Variants in RABEP1 observed in about 807,000 individuals in gnomAD.
RABEP1 encodes the protein rab GTPase-binding effector protein 1.
Under a neutral mutation model 123.4 loss-of-function variants are expected in RABEP1, and 51 were observed. The observed-to-expected ratio is 0.41, with a 90% confidence interval of 0.33 to 0.52. The LOEUF is 0.52. RABEP1 is among the 20% of genes least tolerant of loss of function. The pLI is 0.16. For missense variants in RABEP1, 888 were observed against 996.3 expected, an observed-to-expected ratio of 0.89 and a Z score of 1.46; for synonymous variants, 347 against 355.2, an observed-to-expected ratio of 0.98 and a Z score of 0.26.
At chr17:5,345,961 A>ATT (rs148989514) in intron 5 of RABEP1, among the ~76,000 whole-genome samples, 2 of 152,014 alleles carry the variant, frequency 1.3e-5, no homozygotes, top group African/African-American at 4.8e-5. Context: ...GAAGAATTGT[A>ATT]TTTTTTTTGG....
intron 1 of RABEP1, among the ~76,000 whole-genome samples, chr17:5,287,451 TAGTC>T (rs1383429835): frequency 6.6e-6 from 1 of 151,470 alleles, no homozygotes. Context: ...ATACAAAAAT[TAGTC>T]AGACATGGTG....
chr17:5,377,444 G>C lies in RABEP1; in HGVS notation c.2215+139G>C, dbSNP rs1038458324. 3.6e-5 allele frequency: 17 copies of C among 475,130 alleles called. No homozygotes were observed. The Middle Eastern group carries it at 1.6e-3, about 46-fold the overall frequency. The allele number at this position is 475,130 out of a possible 1,614,324, so 29.4% of individuals were successfully genotyped here. On this transcript the variant is annotated intron_variant, in intron 14 of 17. Transcript: ENST00000537505. ...GTAAGGACTCAGTCCATTTTTTGTA[G>C]ATATTCTGATATATTCAGATTCTGA...
At chr17:5,317,626 G>GATATATATATATATATAT (rs56165368) in intron 2 of RABEP1, among the ~76,000 whole-genome samples, 208 of 149,546 alleles carry the variant, frequency 1.4e-3, no homozygotes, top group Non-Finnish European at 1.6e-3. Flanking sequence ...TACTGGAAAG[G>GATATATATATATATATAT]ATATATATAT....
In RABEP1 at chr17:5,307,568, T is replaced by C. The variant is rs1245985537; in HGVS notation, c.35-1126T>C. Among the ~76,000 whole-genome samples, 3 of 152,160 alleles carry C rather than the reference T, an allele frequency of 2.0e-5. No individual in the cohort carries two copies. In the East Asian group the frequency reaches 5.8e-4, roughly 29 times the overall value. On this transcript the variant is annotated intron_variant, in intron 1 of 17. Coordinates refer to ENST00000537505, the MANE Select transcript of RABEP1 (RefSeq NM_004703.6). ...CTGGCCTAAGTAGTTAGTGGTTGAT[T>C]AGTACTAACCGATATCCCCTAAAGG... is the stretch of plus-strand genomic sequence containing the variant.
At chr17:5,351,267 T>C (rs1238540227) in intron 7 of RABEP1, among the ~76,000 whole-genome samples, 2 of 152,058 alleles carry the variant, frequency 1.3e-5, no homozygotes, top group Non-Finnish European at 2.9e-5. Context: ...GTTATTGAAA[T>C]TGCATGAATA....
At chr17:5,364,324 G>C in intron 10 of RABEP1, 1 of 152,216 alleles carries the variant, frequency 6.6e-6, no homozygotes, top group East Asian at 1.9e-4. Context: ...GGAAGTATGA[G>C]TAGTTATGTG....
rs762051770 is a variant in RABEP1 at position 5,350,509 on chromosome 17, G to A, written c.843G>A (p.Gln281=). ...ACAACCAGTTAAAACATACGTGGCA[G>A]AAGGCCAATGACCAGTTTCTGGAAT... The part of the protein sequence containing the change: ...QQHNQLKHTW[Q]KANDQFLESQ... The change falls in exon 7 of 18, where the codon CAG becomes CAA. Residue 281 remains glutamine, a synonymous_variant. Transcript: ENST00000537505. The A allele has an allele frequency of 3.7e-6, 6 of 1,614,070 alleles. No homozygotes were observed. Among genetic ancestry groups the A allele is most frequent in the Middle Eastern group, 1.6e-4 (1 of 6,084 alleles).
Position 5,381,625 on chromosome 17 carries a change from T to G in RABEP1, c.2487+120T>G, listed in dbSNP as rs752832979. 2.8e-6 allele frequency: 4 copies of G among 1,434,012 alleles called. No individual in the cohort carries two copies. The Admixed American group carries it at 9.8e-5, about 35-fold the overall frequency. The allele number at this position is 1,434,012 out of a possible 1,614,324, so 88.8% of individuals were successfully genotyped here. A position where few individuals can be genotyped will look rare whatever the true frequency, so the allele number is the denominator to read the frequency against. On this transcript the variant is annotated intron_variant, in intron 17 of 17. Coordinates refer to ENST00000537505, the MANE Select transcript of RABEP1 (RefSeq NM_004703.6). ...GGTTTAGAGACTGGCTGCTCCTACC[T>G]CCACCCCAAATGTCTGACTCATCAT...
rs772284341 is a variant in RABEP1, at chr17:5,383,378, CACAGGAA to C, written c.*160_*166del. The C allele has an allele frequency of 6.2e-6, 4 of 646,456 alleles. No homozygotes were observed. The highest frequency in any genetic ancestry group is 8.0e-6 in the Non-Finnish European group (3 of 374,632). 40.0% of individuals were successfully genotyped at this position (646,456 alleles called of 1,614,324 possible). ...CTTCTAGAGGGAGAAGACTGTGCGG[CACAGGAA>C]ACAGCAAACAGTGGGGTGATCTGCA... is the stretch of plus-strand genomic sequence containing the variant. On this transcript the variant is annotated 3_prime_UTR_variant, in exon 18 of 18. Transcript: ENST00000537505.
At chr17:5,346,564 A>G (rs373769948) in intron 5 of RABEP1, among the ~76,000 whole-genome samples, 3 of 152,226 alleles carry the variant, frequency 2.0e-5, no homozygotes, top group East Asian at 3.8e-4. Flanking sequence ...TGAAATCTCA[A>G]TTGTATATTT....
chr17:5,358,732 A>G (rs1424314585), intron 8 of RABEP1, among the ~76,000 whole-genome samples: 2 of 151,336 alleles, frequency 1.3e-5, no homozygotes, highest in African/African-American at 4.8e-5. Flanking sequence ...TATTATTGCC[A>G]ATGTAGTAGT....
chr17:5,371,913 G>A (rs1257635227), intron 12 of RABEP1, among the ~76,000 whole-genome samples: 2 of 151,924 alleles, frequency 1.3e-5, no homozygotes, highest in Non-Finnish European at 2.9e-5. Context: ...AGCAAAACAC[G>A]TGGCATAGAG....
chr17:5,379,151 C>T (rs560475043), intron 15 of RABEP1, among the ~76,000 whole-genome samples: 144 of 152,294 alleles, frequency 9.5e-4, no homozygotes, highest in African/African-American at 3.1e-3. Flanking sequence ...ACCTCAGCCC[C>T]CTCACTCTCA....
At chr17:5,284,524 G>A (rs2074958732) in intron 1 of RABEP1, among the ~76,000 whole-genome samples, 2 of 151,120 alleles carry the variant, frequency 1.3e-5, no homozygotes, top group Admixed American at 1.3e-4. Flanking sequence ...GGAGAGCAGT[G>A]GCGCGATCTT....
intron 1 of RABEP1, among the ~76,000 whole-genome samples, chr17:5,297,207 C>T (rs562395657): frequency 3.3e-5 from 5 of 152,222 alleles, no homozygotes; most frequent in African/African-American, 9.6e-5. Flanking sequence ...TTGAGAACCA[C>T]TGGTTTATGA....
intron 2 of RABEP1, among the ~76,000 whole-genome samples, chr17:5,313,644 T>G (rs1363187266): frequency 6.6e-6 from 1 of 152,234 alleles, no homozygotes; most frequent in African/African-American, 2.4e-5. Context: ...CATGCTTGGT[T>G]TGTTAAGATT....
intron 1 of RABEP1, among the ~76,000 whole-genome samples, chr17:5,307,722 C>T (rs1008293282): frequency 6.6e-6 from 1 of 152,174 alleles, no homozygotes; most frequent in Non-Finnish European, 1.5e-5. Flanking sequence ...GGAAGGCAAT[C>T]ATTTAACCAG....
intron 13 of RABEP1, among the ~76,000 whole-genome samples, chr17:5,375,628 C>T (rs746803124): frequency 6.6e-6 from 1 of 152,004 alleles, no homozygotes; most frequent in African/African-American, 2.4e-5. Flanking sequence ...GTCGCCTGAG[C>T]CCAGGAGGTC....
rs1911913168 is a variant in RABEP1, at chr17:5,385,856, CAG to C, written c.*2636_*2637del. ...TGAATCCTAGGGTTCTATCCCTCTT[CAG>C]AGTCATGTTTCTGGTGCTGCTACTT... On this transcript the variant is annotated 3_prime_UTR_variant, in exon 18 of 18. Coordinates refer to ENST00000537505, the MANE Select transcript of RABEP1 (RefSeq NM_004703.6). 1.1e-5 allele frequency: 3 copies of C among 273,496 alleles called. No individual in the cohort carries two copies. Among genetic ancestry groups the C allele is most frequent in the Admixed American group, 1.0e-4 (2 of 19,244 alleles). The allele number at this position is 273,496 out of a possible 1,614,324, so 16.9% of individuals were successfully genotyped here.
Sources: gnomAD v4.1 joint callset for allele counts (sites outside exome capture counted in the v4.1 genomes callset) on GRCh38, gnomAD v4.1.1 for gene constraint, MANE v1.5 for transcripts, NCBI Gene and HGNC (gene_info 2026-07-23, HGNC 2026-07-21) for gene names.